The following NHS variants were observed in gnomAD, a reference collection of about 807,000 sequenced individuals.
NHS encodes the protein actin remodeling regulator NHS.
In NHS, 5 loss-of-function variants were observed where a neutral mutation model predicts 72.5. That is an observed-to-expected ratio of 0.07 (90% CI 0.04 to 0.14). The LOEUF (loss-of-function observed/expected upper bound fraction) is 0.14. Ranked by LOEUF, NHS falls within the 10% of genes least tolerant of loss-of-function variation. NHS has a pLI of 1.00. For missense variants in NHS, 1,072 were observed against 1,355.7 expected, an observed-to-expected ratio of 0.79 and a Z score of 3.29; for synonymous variants, 464 against 547.7, an observed-to-expected ratio of 0.85 and a Z score of 2.13.
At chrX:17,420,489 C>G (rs2064618129) in intron 1 of NHS, among the ~76,000 whole-genome samples, 1 of 111,015 alleles carries the variant, frequency 9.0e-6, no homozygotes, top group Non-Finnish European at 1.9e-5. Context: ...TATTCATCCA[C>G]TCATCCATTC....
At chrX:17,376,959 C>T (rs1426417999) in intron 1 of NHS, among the ~76,000 whole-genome samples, 1 of 112,859 alleles carries the variant, frequency 8.9e-6, no homozygotes, top group Non-Finnish European at 1.9e-5. Context: ...CCTTGTGGCC[C>T]GGAGGGGCCG....
chrX:17,516,825 A>C (rs1400314583), intron 1 of NHS, among the ~76,000 whole-genome samples: 1 of 112,169 alleles, frequency 8.9e-6, no homozygotes, highest in East Asian at 2.8e-4. Context: ...AGGAATGGGA[A>C]TATATGGATC....
At chrX:17,718,591 G>A (rs1425192271) in intron 3 of NHS, among the ~76,000 whole-genome samples, 2 of 94,823 alleles carry the variant, frequency 2.1e-5, no homozygotes, top group Non-Finnish European at 4.2e-5. Context: ...AACGGAGGGA[G>A]GAAAGAAAGA....
chrX:17,640,843 C>T (rs1032161441), intron 1 of NHS, among the ~76,000 whole-genome samples: 1 of 112,332 alleles, frequency 8.9e-6, no homozygotes, highest in Non-Finnish European at 1.9e-5. Context: ...GCCACATAGC[C>T]GTTGGCTTAA....
chrX:17,697,119 A>T (rs1028187729), intron 3 of NHS, among the ~76,000 whole-genome samples: 39 of 111,553 alleles, frequency 3.5e-4, no homozygotes, highest in African/African-American at 1.2e-3. Flanking sequence ...TTTTCTCTAT[A>T]TAAAGCTTCT....
At chrX:17,415,696 T>G (rs1464232461) in intron 1 of NHS, among the ~76,000 whole-genome samples, 1 of 112,172 alleles carries the variant, frequency 8.9e-6, no homozygotes, top group Non-Finnish European at 1.9e-5. Flanking sequence ...TTTGCAAGAA[T>G]TCTGTAATGA....
intron 3 of NHS, among the ~76,000 whole-genome samples, chrX:17,695,174 G>C (rs2066220346): frequency 9.0e-6 from 1 of 111,637 alleles, no homozygotes; most frequent in South Asian, 3.7e-4. Context: ...TTTCTAGAGG[G>C]CAAAACTCTA....
chrX:17,541,299 G>C (rs2065261235), intron 1 of NHS, among the ~76,000 whole-genome samples: 1 of 112,160 alleles, frequency 8.9e-6, no homozygotes, highest in Non-Finnish European at 1.9e-5. Flanking sequence ...AGCCAGGTTT[G>C]AATGTGACTG....
chrX:17,546,639 C>T (rs1490460370), intron 1 of NHS, among the ~76,000 whole-genome samples: 1 of 111,993 alleles, frequency 8.9e-6, no homozygotes, highest in Non-Finnish European at 1.9e-5. Context: ...CCACAAGGAG[C>T]TCACACCACA....
intron 1 of NHS, among the ~76,000 whole-genome samples, chrX:17,646,464 C>A (rs1013196299): frequency 1.9e-4 from 21 of 111,764 alleles, no homozygotes; most frequent in Non-Finnish European, 3.4e-4. Context: ...CATACCTGGT[C>A]ATTTCTCTTT....
chrX:17,509,273 C>T (rs2065074722), intron 1 of NHS, among the ~76,000 whole-genome samples: 1 of 110,621 alleles, frequency 9.0e-6, no homozygotes, highest in African/African-American at 3.3e-5. Context: ...GTTGCCCAGG[C>T]TGGAGTGCAG....
chrX:17,594,297 C>T (rs970666936), intron 1 of NHS, among the ~76,000 whole-genome samples: 2 of 111,823 alleles, frequency 1.8e-5, no homozygotes, highest in Non-Finnish European at 3.8e-5. Context: ...ACAAAAAACA[C>T]GCCAGTGTAG....
Position 17,725,509 on chromosome X carries a change from G to C in NHS, c.1403G>C (p.Arg468Thr). The C allele has an allele frequency of 2.5e-6, 3 of 1,211,614 alleles. No individual in the cohort carries two copies. The highest frequency in any genetic ancestry group is 3.4e-6 in the Non-Finnish European group (3 of 895,523). The change falls in exon 7 of 9, where the codon AGG becomes ACG. Residue 468 changes from arginine to threonine, a missense_variant. Transcript: ENST00000676302. ...TCCAGAAGGAGAATCAGAGCTCAAAGGGGTCAAAGCATTGCAGCTTCCCTT... is the reference window on the plus strand; with the variant it reads ...TCCAGAAGGAGAATCAGAGCTCAAACGGGTCAAAGCATTGCAGCTTCCCTT... ...APSRRRIRAQRGQSIAASLSH... is the reference protein window; with the variant it reads ...APSRRRIRAQTGQSIAASLSH...
intron 1 of NHS, among the ~76,000 whole-genome samples, chrX:17,525,286 T>C (rs1483633223): frequency 6.2e-5 from 7 of 112,160 alleles, no homozygotes; most frequent in Admixed American, 4.7e-4. Flanking sequence ...AACCTGATCA[T>C]GATGATAGCA....
chrX:17,415,824 C>A (rs988245323), intron 1 of NHS, among the ~76,000 whole-genome samples: 6 of 111,549 alleles, frequency 5.4e-5, no homozygotes, highest in African/African-American at 1.6e-4. Context: ...AGTCTTCATT[C>A]TTTTTTTGAC....
rs778476314 is a variant in NHS, at chrX:17,731,908, G to A, written c.4400G>A (p.Arg1467Gln). The A allele has an allele frequency of 1.5e-5, 18 of 1,208,170 alleles. No homozygotes were observed. The South Asian group carries it at 3.0e-4, about 20-fold the overall frequency. ...GRKDSGDMSV[R>Q]SKSRAPLSSS... ...AAAGATTCCGGGGACATGTCTGTTC[G>A]AAGCAAATCGAGAGCTCCCCTCAGC... The change falls in exon 9 of 9, where the codon CGA becomes CAA. Residue 1467 changes from arginine to glutamine, a missense_variant. Transcript: ENST00000676302.
intron 1 of NHS, among the ~76,000 whole-genome samples, chrX:17,394,413 T>TTGGA (rs1411840527): frequency 8.9e-6 from 1 of 112,147 alleles, no homozygotes; most frequent in African/African-American, 3.2e-5. Context: ...GGGAATTGCT[T>TTGGA]TGGAACATTA....
intron 1 of NHS, among the ~76,000 whole-genome samples, chrX:17,469,380 G>A (rs887141741): frequency 1.8e-5 from 2 of 112,104 alleles, no homozygotes; most frequent in African/African-American, 6.5e-5. Context: ...CATAAATCTC[G>A]TTTTGCTTTT....
chrX:17,407,322 G>C (rs191365400), intron 1 of NHS, among the ~76,000 whole-genome samples: 33 of 110,365 alleles, frequency 3.0e-4, no homozygotes, highest in African/African-American at 1.1e-3. Context: ...ACCATATTTT[G>C]AAGCCCTTCT....
Sources: allele counts gnomAD v4.1 joint callset (sites outside exome capture counted in the v4.1 genomes callset), GRCh38; gene constraint gnomAD v4.1.1; transcripts MANE v1.5; gene names NCBI Gene and HGNC (gene_info 2026-07-23, HGNC 2026-07-21).